The following RIT2 variants were observed in gnomAD, a reference collection of about 807,000 sequenced individuals.
RIT2 encodes GTP-binding protein Rit2.
A neutral mutation model predicts 23.7 loss-of-function variants in RIT2; 24 were observed. That is an observed-to-expected ratio of 1.01 (90% CI 0.73 to 1.43). The LOEUF (loss-of-function observed/expected upper bound fraction) is 1.43. Among genes scored for constraint, RIT2 ranks in the 40% most tolerant of loss-of-function variants. The pLI, the probability that RIT2 is intolerant of heterozygous loss-of-function variation, is 0.00. For missense variants in RIT2, 236 were observed against 266.9 expected (o/e 0.88, Z 0.81); for synonymous variants, 107 against 91.1 (o/e 1.17, Z -0.99).
At chr18:42,756,782 T>G (rs1271112019) in intron 4 of RIT2, among the ~76,000 whole-genome samples, 1 of 152,116 alleles carries the variant, frequency 6.6e-6, no homozygotes, top group Non-Finnish European at 1.5e-5. Flanking sequence ...GATTGGTTAT[T>G]GTGAATAGCT....
chr18:42,783,035 G>A (rs1033180043), intron 4 of RIT2, among the ~76,000 whole-genome samples: 1 of 152,086 alleles, frequency 6.6e-6, no homozygotes, highest in Non-Finnish European at 1.5e-5. Context: ...TATTCCAGGA[G>A]CTCAATTTGT....
intron 1 of RIT2, among the ~76,000 whole-genome samples, chr18:43,043,261 G>A (rs1481287723): frequency 2.0e-5 from 3 of 152,040 alleles, no homozygotes; most frequent in Non-Finnish European, 4.4e-5. Flanking sequence ...TTAGGTTACA[G>A]AGCAATATCA....
At chr18:42,810,962 G>A (rs532201491) in intron 4 of RIT2, among the ~76,000 whole-genome samples, 18 of 152,090 alleles carry the variant, frequency 1.2e-4, no homozygotes, top group Admixed American at 5.2e-4. Flanking sequence ...CCAAAAAGTG[G>A]TATAATTTTT....
intron 4 of RIT2, among the ~76,000 whole-genome samples, chr18:42,790,536 G>A (rs1462050842): frequency 6.6e-6 from 1 of 152,170 alleles, no homozygotes; most frequent in Admixed American, 6.5e-5. Flanking sequence ...TCCGCCTCCT[G>A]GGTTCAAGCA....
intron 3 of RIT2, among the ~76,000 whole-genome samples, chr18:42,929,633 TC>T (rs1225118583): frequency 1.3e-5 from 2 of 152,112 alleles, no homozygotes; most frequent in African/African-American, 4.8e-5. Context: ...AATTTGTAGA[TC>T]CCAATGCAAA....
At chr18:43,025,539 A>G (rs1911696877) in intron 2 of RIT2, among the ~76,000 whole-genome samples, 1 of 152,126 alleles carries the variant, frequency 6.6e-6, no homozygotes, top group African/African-American at 2.4e-5. Flanking sequence ...CTAAGTGTCC[A>G]TAAAAGAAAG....
At chr18:42,987,332 G>T (rs927497339) in intron 2 of RIT2, among the ~76,000 whole-genome samples, 1 of 152,128 alleles carries the variant, frequency 6.6e-6, no homozygotes, top group Non-Finnish European at 1.5e-5. Flanking sequence ...GTGCAGTATG[G>T]CTCAGGCTGC....
intron 4 of RIT2, among the ~76,000 whole-genome samples, chr18:42,890,736 C>T (rs1211175923): frequency 6.6e-6 from 1 of 152,052 alleles, no homozygotes; most frequent in Non-Finnish European, 1.5e-5. Flanking sequence ...TAATTGGTTT[C>T]ACATTCTTTC....
intron 1 of RIT2, among the ~76,000 whole-genome samples, chr18:43,101,747 GT>G (rs1913689610): frequency 6.6e-6 from 1 of 152,136 alleles, no homozygotes; most frequent in Non-Finnish European, 1.5e-5. Context: ...AGGTAAAAAT[GT>G]TTTCAATTTG....
chr18:42,992,404 C>A (rs1445817559), intron 2 of RIT2, among the ~76,000 whole-genome samples: 1 of 152,034 alleles, frequency 6.6e-6, no homozygotes, highest in African/African-American at 2.4e-5. Context: ...ACACATCGGT[C>A]CCTCCCTAGA....
chr18:43,022,227 C>A (rs556843939), intron 2 of RIT2, among the ~76,000 whole-genome samples: 12 of 152,144 alleles, frequency 7.9e-5, no homozygotes, highest in African/African-American at 2.9e-4. Context: ...ATCATATGTT[C>A]TCGCTTATAA....
intron 1 of RIT2, among the ~76,000 whole-genome samples, chr18:43,102,756 C>T (rs1339336491): frequency 1.3e-5 from 2 of 151,874 alleles, no homozygotes; most frequent in East Asian, 1.9e-4. Context: ...CGGGTTCAAG[C>T]GATTCTCATG....
At chr18:42,855,920 G>C (rs182770357) in intron 4 of RIT2, among the ~76,000 whole-genome samples, 1 of 151,962 alleles carries the variant, frequency 6.6e-6, no homozygotes, top group Admixed American at 6.5e-5. Flanking sequence ...TTTTTAAGAG[G>C]CACTATGTCT....
intron 4 of RIT2, among the ~76,000 whole-genome samples, chr18:42,854,812 A>G (rs1907140927): frequency 6.6e-6 from 1 of 152,178 alleles, no homozygotes; most frequent in South Asian, 2.1e-4. Context: ...CATCAATCCA[A>G]TACTAGTATG....
rs117596486 is a variant in RIT2, at chr18:43,107,568, T to C, written c.103+7849A>G. Among the ~76,000 whole-genome samples the C allele has an allele frequency of 3.7e-4, 57 of 152,322 alleles. 1 individual carries two copies. The East Asian group carries it at 0.01, about 28-fold the overall frequency. On this transcript the variant is annotated intron_variant, in intron 1 of 4. Transcript: ENST00000326695. ...CGGTATGGTTTACTCAGCACCCTGT[T>C]TACTTTCTTTGTTTGCATGATCCCA...
chr18:43,060,524 A>G (rs1044908686), intron 1 of RIT2, among the ~76,000 whole-genome samples: 22 of 152,248 alleles, frequency 1.4e-4, no homozygotes, highest in African/African-American at 4.3e-4. Context: ...ATGCCTTCAC[A>G]TTATTCCAGA....
At chr18:42,983,520 A>G (rs1329659784) in intron 2 of RIT2, among the ~76,000 whole-genome samples, 2 of 152,098 alleles carry the variant, frequency 1.3e-5, no homozygotes, top group Admixed American at 6.6e-5. Context: ...TTAAAAATCA[A>G]TATCTTTTAC....
At chr18:42,856,356 C>T (rs564038221) in intron 4 of RIT2, among the ~76,000 whole-genome samples, 85 of 152,352 alleles carry the variant, frequency 5.6e-4, no homozygotes, top group African/African-American at 2.0e-3. Context: ...CCTACTCCAT[C>T]TAGCAGCATT....
At chr18:42,938,508 T>A (rs2144154812) in intron 3 of RIT2, among the ~76,000 whole-genome samples, 1 of 152,294 alleles carries the variant, frequency 6.6e-6, no homozygotes, top group South Asian at 2.1e-4. Flanking sequence ...AAAAACACTG[T>A]CCTTTAAAGC....
Sources: gnomAD v4.1 joint callset for allele counts (sites outside exome capture counted in the v4.1 genomes callset) on GRCh38, gnomAD v4.1.1 for gene constraint, MANE v1.5 for transcripts, NCBI Gene and HGNC (gene_info 2026-07-23, HGNC 2026-07-21) for gene names.